CNTN5: variants seen among roughly 807,000 people sequenced by gnomAD.
The protein encoded by CNTN5 is contactin-5.
A neutral mutation model predicts 129.1 loss-of-function variants in CNTN5; 77 were observed. The ratio of observed to expected loss-of-function variants is 0.60; its 90% confidence interval spans 0.50 to 0.72. The LOEUF is 0.72. CNTN5 is among the 30% of genes least tolerant of loss of function. The probability of loss-of-function intolerance (pLI) is 0.00; values close to 1 mark genes in which losing one functional copy is unlikely to be tolerated. For missense variants in CNTN5, 1,478 were observed against 1,328.8 expected, an observed-to-expected ratio of 1.11 and a Z score of -1.75; for synonymous variants, 509 against 465.6, an observed-to-expected ratio of 1.09 and a Z score of -1.20.
At chr11:99,032,163 T>A (rs981998499) in intron 1 of CNTN5, among the ~76,000 whole-genome samples, 1 of 152,110 alleles carries the variant, frequency 6.6e-6, no homozygotes, top group Non-Finnish European at 1.5e-5. Context: ...ATCCAGTCTA[T>A]CATTGTTGGA....
rs200851132 is a variant in CNTN5, at chr11:100,150,641, T to G, written c.1581-40485T>G. Among the ~76,000 whole-genome samples, 56 of 152,002 alleles carry G rather than the reference T, an allele frequency of 3.7e-4. No individual in the cohort carries two copies. The East Asian group carries it at 0.01, about 27-fold the overall frequency. The stretch of plus-strand genomic sequence containing the variant: ...TTTTTACGGTCAGTCCTCATACACA[T>G]GGAATACTCGGAAAATCAGTAAAAT... On this transcript the variant is annotated intron_variant, in intron 13 of 24. Coordinates refer to ENST00000524871, the MANE Select transcript of CNTN5 (RefSeq NM_014361.4).
chr11:100,039,156 C>G (rs1479942851), intron 9 of CNTN5, among the ~76,000 whole-genome samples: 1 of 152,152 alleles, frequency 6.6e-6, no homozygotes, highest in Non-Finnish European at 1.5e-5. Flanking sequence ...TCTTTTAGGG[C>G]AGGCCTGGTA....
intron 2 of CNTN5, among the ~76,000 whole-genome samples, chr11:99,373,417 C>T (rs1271028060): frequency 6.6e-6 from 1 of 151,330 alleles, no homozygotes; most frequent in Admixed American, 6.6e-5. Context: ...CATTTTTATT[C>T]ATTTGAAATT....
chr11:99,983,431 C>T lies in CNTN5; in HGVS notation c.878-18603C>T, dbSNP rs140200444. Among the ~76,000 whole-genome samples, 162 of 152,226 alleles carry T rather than the reference C, an allele frequency of 1.1e-3. 1 individual carries two copies. Among genetic ancestry groups the T allele is most frequent in the South Asian group, 5.0e-3 (24 of 4,818 alleles). ...GAAGTAAAATCCAAATTTGGATGGG[C>T]TCGAATGCAATACTAGGGGATTCAA... is the stretch of plus-strand genomic sequence containing the variant. On this transcript the variant is annotated intron_variant, in intron 8 of 24. Coordinates refer to ENST00000524871, the MANE Select transcript of CNTN5 (RefSeq NM_014361.4).
At chr11:100,051,976 C>G (rs1942977216) in intron 9 of CNTN5, among the ~76,000 whole-genome samples, 1 of 151,654 alleles carries the variant, frequency 6.6e-6, no homozygotes, top group Non-Finnish European at 1.5e-5. Context: ...AAATTGAGTC[C>G]CAGTTAGTTT....
rs377703344 is a variant in CNTN5, at chr11:99,221,016, G to A, written c.-209-104330G>A. ...TACTGTAAAAGATTCAGCAAGTAGA[G>A]GAATGATTCAATTTGTTGGAAATGT... On this transcript the variant is annotated intron_variant, in intron 1 of 24. Transcript: ENST00000524871. 2.6e-5 allele frequency among the ~76,000 whole-genome samples: 4 copies of A among 152,012 alleles called. No individual in the cohort carries two copies. In the East Asian group the frequency reaches 7.7e-4, roughly 29 times the overall value.
At chr11:100,006,958 G>T (rs1477474704) in intron 9 of CNTN5, among the ~76,000 whole-genome samples, 1 of 152,064 alleles carries the variant, frequency 6.6e-6, no homozygotes, top group Non-Finnish European at 1.5e-5. Context: ...GTGTTAGCAG[G>T]CATGAAAATA....
chr11:99,899,977 C>A (rs569140753), intron 6 of CNTN5, among the ~76,000 whole-genome samples: 1 of 152,022 alleles, frequency 6.6e-6, no homozygotes, highest in South Asian at 2.1e-4. Context: ...TGTATGTTTA[C>A]AGGACTTTAT....
chr11:99,834,370 A>T (rs1472625654), intron 4 of CNTN5, among the ~76,000 whole-genome samples: 1 of 152,118 alleles, frequency 6.6e-6, no homozygotes, highest in African/African-American at 2.4e-5. Flanking sequence ...TGAATTAAAT[A>T]TTGTTTTAGG....
chr11:99,330,181 G>A (rs1379646569), intron 2 of CNTN5, among the ~76,000 whole-genome samples: 6 of 150,176 alleles, frequency 4.0e-5, no homozygotes, highest in Admixed American at 6.7e-5. Flanking sequence ...AGGGGAGGGA[G>A]GAGGGAGGCA....
intron 6 of CNTN5, among the ~76,000 whole-genome samples, chr11:99,855,443 T>A (rs1199280347): frequency 1.3e-5 from 2 of 152,196 alleles, no homozygotes; most frequent in Non-Finnish European, 2.9e-5. Flanking sequence ...TATGAGGCTA[T>A]CCTAAACTCT....
chr11:100,113,135 C>A (rs1945710602), intron 13 of CNTN5, among the ~76,000 whole-genome samples: 1 of 151,698 alleles, frequency 6.6e-6, no homozygotes, highest in Non-Finnish European at 1.5e-5. Flanking sequence ...TTGCTGTGAT[C>A]AGACAACTGT....
In CNTN5 at chr11:99,917,778, A is replaced by G. The variant is rs561329497; in HGVS notation, c.673+1629A>G. 2.6e-5 allele frequency among the ~76,000 whole-genome samples: 4 copies of G among 152,336 alleles called. No homozygotes were observed. In the South Asian group the frequency reaches 6.2e-4, roughly 24 times the overall value. ...ATCCAATTGGCAGAGAAAACTGTAT[A>G]CAGATTTCTGGTGGGAGAATATAGT... On this transcript the variant is annotated intron_variant, in intron 7 of 24. Coordinates refer to ENST00000524871, the MANE Select transcript of CNTN5 (RefSeq NM_014361.4).
chr11:99,842,663 G>A (rs376189449), intron 4 of CNTN5, among the ~76,000 whole-genome samples: 1 of 151,570 alleles, frequency 6.6e-6, no homozygotes, highest in African/African-American at 2.4e-5. Flanking sequence ...ATCAGAAAGG[G>A]TTTTTTTTCC....
intron 7 of CNTN5, among the ~76,000 whole-genome samples, chr11:99,941,699 A>G (rs1264963103): frequency 6.6e-6 from 1 of 151,498 alleles, no homozygotes. Context: ...GAGACCTAAA[A>G]GAAGTTAAGT....
At chr11:99,099,773 A>G (rs1866636340) in intron 1 of CNTN5, among the ~76,000 whole-genome samples, 1 of 152,180 alleles carries the variant, frequency 6.6e-6, no homozygotes, top group South Asian at 2.1e-4. Flanking sequence ...TGTGATGATA[A>G]ATGACACAAT....
At chr11:99,862,868 A>G (rs1468854531) in intron 6 of CNTN5, among the ~76,000 whole-genome samples, 7 of 152,124 alleles carry the variant, frequency 4.6e-5, no homozygotes, top group Non-Finnish European at 8.8e-5. Flanking sequence ...TGGCTTAATA[A>G]AGGCATGTAA....
chr11:99,248,390 A>T (rs1323893746), intron 1 of CNTN5, among the ~76,000 whole-genome samples: 3 of 152,096 alleles, frequency 2.0e-5, no homozygotes, highest in African/African-American at 7.2e-5. Context: ...AGATTGCAAA[A>T]CTTTTCTCCC....
intron 23 of CNTN5, among the ~76,000 whole-genome samples, chr11:100,345,158 C>G (rs1353648542): frequency 6.6e-6 from 1 of 152,118 alleles, no homozygotes; most frequent in Non-Finnish European, 1.5e-5. Context: ...TCTCTCAGTT[C>G]TGAAGGCTGA....
Sources: gnomAD v4.1 joint callset for allele counts (sites outside exome capture counted in the v4.1 genomes callset) on GRCh38, gnomAD v4.1.1 for gene constraint, MANE v1.5 for transcripts, NCBI Gene and HGNC (gene_info 2026-07-23, HGNC 2026-07-21) for gene names.